The following LRRC9 variants were observed in gnomAD, a reference collection of about 807,000 sequenced individuals.
LRRC9 encodes the protein leucine-rich repeat-containing protein 9.
In LRRC9, 122 loss-of-function variants were observed where a neutral mutation model predicts 63.2. The ratio of observed to expected loss-of-function variants is 1.93; its 90% CI spans 1.67 to 2.24. The LOEUF is 2.24. LRRC9 is among the 30% of genes most tolerant of loss of function. The probability of loss-of-function intolerance (pLI) is 0.00; values close to 1 mark genes in which losing one functional copy is unlikely to be tolerated. For missense variants in LRRC9, 1,071 were observed against 627.7 expected (o/e 1.71, Z -7.55); for synonymous variants, 366 against 213.1 (o/e 1.72, Z -6.25).
chr14:59,946,676 TC>T (rs1882453294), intron 8 of LRRC9, among the ~76,000 whole-genome samples: 1 of 133,758 alleles, frequency 7.5e-6, no homozygotes, highest in Non-Finnish European at 1.6e-5. Flanking sequence ...CTCACCACAG[TC>T]CCCAGAGTGT....
chr14:60,016,902 T>C lies in LRRC9; in HGVS notation c.3317+112T>C. The stretch of plus-strand genomic sequence containing the variant: ...TTACCTAAATATAATCAATAATTCA[T>C]AAAATTATCTACTGTACTGAAAAGA... On this transcript the variant is annotated intron_variant, in intron 24 of 31. Transcript: ENST00000445360. 5.7e-6 allele frequency: 3 copies of C among 523,370 alleles called. No homozygotes were observed. In the East Asian group the frequency reaches 8.7e-5, roughly 15 times the overall value. 32.4% of individuals were successfully genotyped at this position (523,370 alleles called of 1,614,324 possible).
intron 26 of LRRC9, among the ~76,000 whole-genome samples, chr14:60,022,009 C>T (rs929799361): frequency 2.0e-5 from 3 of 151,800 alleles, no homozygotes; most frequent in East Asian, 1.9e-4. Context: ...GATGTTTATT[C>T]GCAGTGAGTG....
At chr14:60,034,019 T>C (rs436761) in intron 29 of LRRC9, among the ~76,000 whole-genome samples, 609 of 14,160 alleles carry the variant, frequency 0.043, 1 homozygote, top group Non-Finnish European at 0.13. Flanking sequence ...TTCTTTCTTT[T>C]TTTTTTTTTT....
intron 27 of LRRC9, among the ~76,000 whole-genome samples, chr14:60,024,739 T>C (rs1307509098): frequency 6.6e-6 from 1 of 152,064 alleles, no homozygotes; most frequent in Non-Finnish European, 1.5e-5. Context: ...TATTATGTAC[T>C]AGTGGGAATT....
At chr14:60,047,011 T>G (rs1047549415) in intron 29 of LRRC9, among the ~76,000 whole-genome samples, 1 of 152,180 alleles carries the variant, frequency 6.6e-6, no homozygotes, top group African/African-American at 2.4e-5. Context: ...CTTTATTCTT[T>G]TTGTAACAAT....
At chr14:60,034,417 C>T (rs1892261383) in intron 29 of LRRC9, among the ~76,000 whole-genome samples, 1 of 151,604 alleles carries the variant, frequency 6.6e-6, no homozygotes, top group Non-Finnish European at 1.5e-5. Flanking sequence ...TACAATTTAC[C>T]ATCTTTACAT....
At chr14:59,960,828 C>A in intron 9 of LRRC9, 86 bp from the exon 10 acceptor site, 1 of 490,662 alleles carries the variant, frequency 2.0e-6, no homozygotes, top group Non-Finnish European at 3.6e-6. Context: ...TGTGTTTTAA[C>A]ATCAGTTAAA....
chr14:60,057,008 C>T (rs58679147), intron 30 of LRRC9, among the ~76,000 whole-genome samples: 7,762 of 152,086 alleles, frequency 0.051, 622 homozygotes, highest in African/African-American at 0.17. Context: ...TAAAGGAATT[C>T]GTTAGGGAAT....
intron 15 of LRRC9, among the ~76,000 whole-genome samples, chr14:59,981,359 G>C (rs1886909509): frequency 6.6e-6 from 1 of 152,074 alleles, no homozygotes; most frequent in Admixed American, 6.5e-5. Flanking sequence ...TCTAGAGCCA[G>C]TTCTGTTTGT....
At position 59,990,493 on chromosome 14, in the gene LRRC9, C is replaced by T. The variant is rs1887969242; in HGVS notation, c.2211+5269C>T. 6.6e-6 allele frequency among the ~76,000 whole-genome samples: 1 copy of T among 152,048 alleles called. No individual in the cohort carries two copies. Among genetic ancestry groups the T allele is most frequent in the Admixed American group, 6.6e-5 (1 of 15,264 alleles). On this transcript the variant is annotated intron_variant, in intron 17 of 31. Coordinates refer to ENST00000445360, the Ensembl canonical transcript of LRRC9. This position sits in a 1 kb window ranked among gnomAD's most constrained non-coding sequence, Gnocchi z 4.2. ...ATCATAGAGTACACTGCAGCCTCAACTTCCTGGGCTCAAGTGATCCCCTTG... is the reference window on the plus strand; with the variant it reads ...ATCATAGAGTACACTGCAGCCTCAATTTCCTGGGCTCAAGTGATCCCCTTG...
chr14:59,924,288 C>T (rs762854083), intron 1 of LRRC9, among the ~76,000 whole-genome samples: 31 of 152,140 alleles, frequency 2.0e-4, no homozygotes, highest in Non-Finnish European at 3.8e-4. Context: ...AAGCTTGGTG[C>T]ACTATTCAAA....
chr14:59,939,104 C>T (rs1881471649), intron 7 of LRRC9, among the ~76,000 whole-genome samples: 1 of 125,998 alleles, frequency 7.9e-6, no homozygotes, highest in South Asian at 2.8e-4. Flanking sequence ...TATATATACA[C>T]ACATATATAT....
chr14:60,044,034 A>G (rs1234364727), intron 29 of LRRC9, among the ~76,000 whole-genome samples: 1 of 151,736 alleles, frequency 6.6e-6, no homozygotes, highest in Non-Finnish European at 1.5e-5. Context: ...CAATCTTTGT[A>G]GGTTGTATGC....
At chr14:59,952,634 A>ATTG (rs377623782) in intron 8 of LRRC9, among the ~76,000 whole-genome samples, 8 of 151,626 alleles carry the variant, frequency 5.3e-5, no homozygotes, top group Admixed American at 2.0e-4. Flanking sequence ...TGTTGTTGTT[A>ATTG]TTGTTGTTGT....
rs894729613 is a variant in LRRC9, at chr14:59,958,615, G to A, written c.883-1203G>A. ...CCACTTGGCTCCCTGGCTTCAGTCCGCTTTGCAGGGGAGTGAAAGGTTCTC... is the reference window on the plus strand; with the variant it reads ...CCACTTGGCTCCCTGGCTTCAGTCCACTTTGCAGGGGAGTGAAAGGTTCTC... On this transcript the variant is annotated intron_variant, in intron 8 of 31. Transcript: ENST00000445360. The surrounding 1 kb of genome is among the most constrained non-coding windows in gnomAD (Gnocchi z 4.0). Among the ~76,000 whole-genome samples the A allele has an allele frequency of 5.9e-5, 9 of 152,192 alleles. No individual in the cohort carries two copies. The highest frequency in any genetic ancestry group is 2.2e-4 in the African/African-American group (9 of 41,456).
chr14:60,039,470 C>T (rs1457330539), intron 29 of LRRC9, among the ~76,000 whole-genome samples: 1 of 152,138 alleles, frequency 6.6e-6, no homozygotes, highest in African/African-American at 2.4e-5. Flanking sequence ...AGGGATTCAA[C>T]TTCTTCCTGG....
At position 60,028,089 on chromosome 14, in the gene LRRC9, T is replaced by A. The variant is rs1482498755; in HGVS notation, c.3909T>A (p.Tyr1303Ter). The change falls in exon 28 of 32, where the codon TAT (tyrosine) becomes TAA (stop). Residue 1303 changes from tyrosine (Y) to a stop codon, truncating the protein, a stop_gained. Coordinates refer to ENST00000445360, the Ensembl canonical transcript of LRRC9. LOFTEE classifies it high-confidence loss of function. ...AACTAGAGAAACTCTTCCTAGGATA[T>A]AATAAAATCCAGGTAACATTATTAT... 1 of 694,752 alleles carries A rather than the reference T, an allele frequency of 1.4e-6. No homozygotes were observed. Among genetic ancestry groups the A allele is most frequent in the Non-Finnish European group, 2.6e-6 (1 of 382,246 alleles). 43.0% of individuals were successfully genotyped at this position (694,752 alleles called of 1,614,324 possible). A position where few individuals can be genotyped will look rare whatever the true frequency, so the allele number is the denominator to read the frequency against.
rs563716888 is a variant in LRRC9 at position 59,922,011 on chromosome 14, G to A, written c.-34+2128G>A. Reference sequence around the variant, plus strand: ...AGGCAGAAGAATTACTTGAACCTGGGAGGCAGAGGTTGGAGTGAGCCCAGA... The same window carrying A: ...AGGCAGAAGAATTACTTGAACCTGGAAGGCAGAGGTTGGAGTGAGCCCAGA... On this transcript the variant is annotated intron_variant, in intron 1 of 31. Coordinates refer to ENST00000445360, the Ensembl canonical transcript of LRRC9. This position sits in a 1 kb window ranked among gnomAD's most constrained non-coding sequence, Gnocchi z 5.3. Among the ~76,000 whole-genome samples the A allele has an allele frequency of 3.3e-5, 5 of 151,976 alleles. No individual in the cohort carries two copies. The highest frequency in any genetic ancestry group is 1.9e-4 in the East Asian group (1 of 5,178).
chr14:60,059,214 C>CA (rs1894494430), intron 31 of LRRC9: 1 of 152,150 alleles, frequency 6.6e-6, no homozygotes, highest in African/African-American at 2.4e-5. Context: ...CTGCATCAAG[C>CA]AAGTCTATTG....
Sources: gnomAD v4.1 joint callset for allele counts (sites outside exome capture counted in the v4.1 genomes callset) on GRCh38, gnomAD v4.1.1 for gene constraint, Gnocchi (gnomAD v3.1) non-coding constraint, MANE v1.5 for transcripts, NCBI Gene and HGNC (gene_info 2026-07-23, HGNC 2026-07-21) for gene names.